The following SH2B2 variants were observed in gnomAD, a reference collection of about 807,000 sequenced individuals.
SH2B2 encodes the protein SH2B adaptor protein 2.
Under a neutral mutation model 35.7 loss-of-function variants are expected in SH2B2, and 37 were observed. That is an observed-to-expected ratio of 1.04 (90% CI 0.80 to 1.36). The LOEUF (loss-of-function observed/expected upper bound fraction) is 1.36. Ranked by LOEUF, SH2B2 falls within the 40% of genes most tolerant of loss-of-function variation. The pLI is 0.00. For synonymous variants in SH2B2, 383 were observed against 376.4 expected, an observed-to-expected ratio of 1.02 and a Z score of -0.20; for missense variants, 852 against 817.7, an observed-to-expected ratio of 1.04 and a Z score of -0.51.
intron 6 of SH2B2, 125 bp downstream of exon 6, chr7:102,314,807 G>C: frequency 2.5e-6 from 1 of 397,658 alleles, no homozygotes; most frequent in Non-Finnish European, 4.4e-6. Context: ...CATCCTCCTG[G>C]GTCCTTCACA....
intron 8 of SH2B2, 74 bp downstream of exon 8, chr7:102,320,576 G>C (rs1794018431): frequency 1.3e-6 from 2 of 1,514,962 alleles, no homozygotes; most frequent in African/African-American, 2.9e-5. Flanking sequence ...GGTGGTCCCT[G>C]GGGTGGGATG....
intron 2 of SH2B2, among the ~76,000 whole-genome samples, chr7:102,302,891 C>G (rs1390419242): frequency 6.6e-6 from 1 of 152,040 alleles, no homozygotes; most frequent in Non-Finnish European, 1.5e-5. Flanking sequence ...GCCCTCTAAG[C>G]TAGGCGACAG....
chr7:102,308,992 GCGGGA>G, intron 4 of SH2B2, 86 bp downstream of exon 4: 1 of 1,050,698 alleles, frequency 9.5e-7, no homozygotes, highest in South Asian at 1.2e-5. Flanking sequence ...TCCTAGCAGG[GCGGGA>G]GCTCAGCTTG....
At chr7:102,288,420 C>G (rs2132885805) in intron 1 of SH2B2, among the ~76,000 whole-genome samples, 1 of 152,200 alleles carries the variant, frequency 6.6e-6, no homozygotes. Context: ...TCTGTCCTAC[C>G]AACATACAAG....
intron 3 of SH2B2, among the ~76,000 whole-genome samples, chr7:102,308,093 G>T (rs1793471749): frequency 6.6e-6 from 1 of 152,172 alleles, no homozygotes; most frequent in Admixed American, 6.5e-5. Context: ...TTTGACAGAG[G>T]CACACCACCG....
At chr7:102,320,275 T>C in intron 7 of SH2B2, 56 bp from the exon 8 acceptor site, 1 of 1,451,420 alleles carries the variant, frequency 6.9e-7, no homozygotes. Context: ...CCAAAGGCGC[T>C]TACCCAGGTG....
chr7:102,304,549 A>G (rs1453099323), intron 2 of SH2B2, among the ~76,000 whole-genome samples: 1 of 152,236 alleles, frequency 6.6e-6, no homozygotes, highest in Non-Finnish European at 1.5e-5. Flanking sequence ...GCACTTTTGG[A>G]GGTTCAAGCT....
intron 2 of SH2B2, among the ~76,000 whole-genome samples, chr7:102,302,107 C>G (rs1016019883): frequency 2.0e-5 from 3 of 152,258 alleles, no homozygotes; most frequent in South Asian, 2.1e-4. Context: ...GATCCTCCCC[C>G]ACCTTGGCCT....
chr7:102,311,295 T>C (rs1793609931), intron 4 of SH2B2, among the ~76,000 whole-genome samples: 1 of 150,780 alleles, frequency 6.6e-6, no homozygotes, highest in African/African-American at 2.4e-5. Context: ...CGCTCCATCA[T>C]CCAGGCTGGA....
Position 102,297,177 on chromosome 7 carries a change from G to A in SH2B2, c.-29-3345G>A, listed in dbSNP as rs901899212. Reference sequence around the variant, plus strand: ...CAAACCATCCCGCTGTTCTGCCTGGGATGTGAATTATCCCTTTGTCTGGCA... The same window carrying A: ...CAAACCATCCCGCTGTTCTGCCTGGAATGTGAATTATCCCTTTGTCTGGCA... On this transcript the variant is annotated intron_variant, in intron 1 of 8. Transcript: ENST00000444095. The surrounding 1 kb of genome is among the most constrained non-coding windows in gnomAD (Gnocchi z 4.3). Among the ~76,000 whole-genome samples the A allele has an allele frequency of 6.6e-6, 1 of 152,116 alleles. No homozygotes were observed. The highest frequency in any genetic ancestry group is 1.5e-5 in the Non-Finnish European group (1 of 68,020).
At chr7:102,295,785 G>A (rs782390797) in intron 1 of SH2B2, among the ~76,000 whole-genome samples, 1 of 152,070 alleles carries the variant, frequency 6.6e-6, no homozygotes, top group Non-Finnish European at 1.5e-5. Context: ...GTAGGAGTTA[G>A]GGAAGAAAGG....
intron 1 of SH2B2, 121 bp from the exon 2 acceptor site, chr7:102,300,401 C>G (rs1301308675): frequency 3.4e-6 from 4 of 1,193,792 alleles, no homozygotes; most frequent in Admixed American, 6.2e-5. Context: ...ACAACACACA[C>G]GTGTGCATGT....
At chr7:102,311,507 A>G (rs1469645088) in intron 4 of SH2B2, among the ~76,000 whole-genome samples, 1 of 149,470 alleles carries the variant, frequency 6.7e-6, no homozygotes, top group Admixed American at 6.7e-5. Context: ...TGACAACCTC[A>G]TCATCCCAAA....
At position 102,300,667 on chromosome 7, in the gene SH2B2, G is replaced by C; in HGVS notation, c.117G>C (p.Ala39=). 1 of 1,549,038 alleles carries C rather than the reference G, an allele frequency of 6.5e-7. No homozygotes were observed. The highest frequency in any genetic ancestry group is 8.7e-7 in the Non-Finnish European group (1 of 1,144,848). Residue 39 remains alanine, a synonymous_variant, in exon 2 of 9, where the codon GCG becomes GCC. Coordinates refer to ENST00000444095, the MANE Select transcript of SH2B2 (RefSeq NM_001359228.2). ...CGCAGGCGGCCGCCGTGGACTTTGCGCACAAGTTCTGCCGTTTCCTGCGGG... is the reference window on the plus strand; with the variant it reads ...CGCAGGCGGCCGCCGTGGACTTTGCCCACAAGTTCTGCCGTTTCCTGCGGG... ...LHAQAAAVDF[A]HKFCRFLRDN...
In SH2B2 at chr7:102,301,126, G is replaced by A; in HGVS notation, c.576G>A (p.Val192=). 6.7e-7 allele frequency: 1 copy of A among 1,498,370 alleles called. No homozygotes were observed. Among genetic ancestry groups the A allele is most frequent in the East Asian group, 2.7e-5 (1 of 37,598 alleles). The allele number at this position is 1,498,370 out of a possible 1,614,324, so 92.8% of individuals were successfully genotyped here. Reference sequence around the variant, plus strand: ...CGCTGGCTGCCAAGGTGGAGCTGGTGGACATTCAACGCGAGGGGGCGCTGC... The same window carrying A: ...CGCTGGCTGCCAAGGTGGAGCTGGTAGACATTCAACGCGAGGGGGCGCTGC... ...SRTLAAKVEL[V]DIQREGALRF... is the part of the protein sequence containing the mutation. The change falls in exon 2 of 9, where the codon GTG becomes GTA. Residue 192 remains valine, a synonymous_variant. Coordinates refer to ENST00000444095, the MANE Select transcript of SH2B2 (RefSeq NM_001359228.2).
intron 3 of SH2B2, among the ~76,000 whole-genome samples, chr7:102,307,558 C>T (rs1793452502): frequency 6.6e-6 from 1 of 152,072 alleles, no homozygotes; most frequent in Non-Finnish European, 1.5e-5. Context: ...TGTTTACCAA[C>T]CCCGGACCCT....
intron 1 of SH2B2, among the ~76,000 whole-genome samples, chr7:102,296,249 T>C (rs1172313141): frequency 1.3e-5 from 2 of 152,100 alleles, no homozygotes; most frequent in Non-Finnish European, 2.9e-5. Flanking sequence ...CTCACAGAAA[T>C]GGGGCAGCTA....
At chr7:102,313,298 A>T (rs1249182910) in intron 4 of SH2B2, among the ~76,000 whole-genome samples, 1 of 151,154 alleles carries the variant, frequency 6.6e-6, no homozygotes, top group Admixed American at 6.6e-5. Context: ...AAAAAAAAAA[A>T]TTAGCTGGGC....
At chr7:102,311,922 CA>C (rs370619648) in intron 4 of SH2B2, among the ~76,000 whole-genome samples, 39 of 151,264 alleles carry the variant, frequency 2.6e-4, no homozygotes, top group African/African-American at 9.2e-4. Flanking sequence ...ACTAAAAATG[CA>C]AAAATTAGCT....
Sources: allele counts gnomAD v4.1 joint callset (sites outside exome capture counted in the v4.1 genomes callset), GRCh38; gene constraint gnomAD v4.1.1; non-coding constraint Gnocchi (gnomAD v3.1); transcripts MANE v1.5; gene names NCBI Gene and HGNC (gene_info 2026-07-23, HGNC 2026-07-21).